The following HS6ST3 variants were observed in gnomAD, a reference collection of about 807,000 sequenced individuals.
HS6ST3 encodes the protein heparan sulfate 6-O-sulfotransferase 3.
In HS6ST3, 12 loss-of-function variants were observed where a neutral mutation model predicts 36.7. The observed-to-expected ratio is 0.33, with a 90% CI of 0.21 to 0.53. The LOEUF is 0.53. Among genes scored for constraint, HS6ST3 ranks in the 20% least tolerant of loss-of-function variants. HS6ST3 has a pLI of 0.95. For missense variants in HS6ST3, 584 were observed against 640.9 expected (o/e 0.91, Z 0.96); for synonymous variants, 240 against 257.5 (o/e 0.93, Z 0.65).
At chr13:96,147,069 G>A (rs1479370127) in intron 1 of HS6ST3, among the ~76,000 whole-genome samples, 1 of 152,168 alleles carries the variant, frequency 6.6e-6, no homozygotes, top group Non-Finnish European at 1.5e-5. Flanking sequence ...CCTTTTAAAA[G>A]TCAAACTTTC....
chr13:96,684,263 T>C (rs1874701223), intron 1 of HS6ST3, among the ~76,000 whole-genome samples: 1 of 152,120 alleles, frequency 6.6e-6, no homozygotes, highest in African/African-American at 2.4e-5. Flanking sequence ...CATTGGTTTT[T>C]CTACATGCAT....
chr13:96,379,986 T>G (rs555956441), intron 1 of HS6ST3, among the ~76,000 whole-genome samples: 18 of 152,362 alleles, frequency 1.2e-4, no homozygotes, highest in South Asian at 4.1e-4. Flanking sequence ...GTTTGGGGTT[T>G]CTGTGAAATC....
intron 1 of HS6ST3, among the ~76,000 whole-genome samples, chr13:96,785,800 A>G (rs1443253145): frequency 6.6e-6 from 1 of 152,222 alleles, no homozygotes; most frequent in Non-Finnish European, 1.5e-5. Flanking sequence ...TGGAACCTGC[A>G]CAATTCTGGA....
At chr13:96,717,707 C>G (rs570452081) in intron 1 of HS6ST3, among the ~76,000 whole-genome samples, 1 of 152,140 alleles carries the variant, frequency 6.6e-6, no homozygotes, top group South Asian at 2.1e-4. Flanking sequence ...GAAATCAAAT[C>G]TCAGAAATGA....
At chr13:96,134,587 GTTTA>G (rs559183911) in intron 1 of HS6ST3, among the ~76,000 whole-genome samples, 121 of 151,886 alleles carry the variant, frequency 8.0e-4, no homozygotes, top group Non-Finnish European at 1.4e-3. Context: ...ACCCTTTCAT[GTTTA>G]TTTATTTATC....
chr13:96,565,517 G>A (rs2035286534), intron 1 of HS6ST3, among the ~76,000 whole-genome samples: 2 of 152,070 alleles, frequency 1.3e-5, no homozygotes, highest in Admixed American at 1.3e-4. Context: ...AAACCAAGAG[G>A]CCTCAAGTTA....
chr13:96,710,557 C>A (rs977953985), intron 1 of HS6ST3, among the ~76,000 whole-genome samples: 3 of 152,256 alleles, frequency 2.0e-5, no homozygotes, highest in Non-Finnish European at 2.9e-5. Context: ...ACATTCTTTT[C>A]GTTATTCAAT....
intron 1 of HS6ST3, among the ~76,000 whole-genome samples, chr13:96,690,994 C>A (rs772729672): frequency 1.5e-4 from 23 of 152,098 alleles, no homozygotes; most frequent in Non-Finnish European, 2.9e-4. Context: ...CCCTTCCCAT[C>A]CCATAGAGAA....
chr13:96,302,556 A>C (rs2054889071), intron 1 of HS6ST3, among the ~76,000 whole-genome samples: 1 of 152,174 alleles, frequency 6.6e-6, no homozygotes, highest in Admixed American at 6.5e-5. Context: ...AAGAAAGTGC[A>C]TGTATAATAT....
chr13:96,357,837 C>T (rs558258564), intron 1 of HS6ST3, among the ~76,000 whole-genome samples: 133 of 152,092 alleles, frequency 8.7e-4, no homozygotes, highest in Non-Finnish European at 1.0e-3. Context: ...CACCATCTCA[C>T]GTGGGCTTGG....
At chr13:96,798,507 C>T (rs766567611) in intron 1 of HS6ST3, among the ~76,000 whole-genome samples, 33 of 151,992 alleles carry the variant, frequency 2.2e-4, no homozygotes, top group South Asian at 4.1e-4. Flanking sequence ...AGGAGTTGTG[C>T]GCTAGGAGAC....
intron 1 of HS6ST3, among the ~76,000 whole-genome samples, chr13:96,623,602 C>A (rs1336097): frequency 0.095 from 14,482 of 152,068 alleles, 763 homozygotes; most frequent in Admixed American, 0.17. Context: ...TCAGCCCCCT[C>A]CTGCCCCACT....
chr13:96,400,308 T>TACACAC (rs10603063), intron 1 of HS6ST3, among the ~76,000 whole-genome samples: 8 of 142,484 alleles, frequency 5.6e-5, no homozygotes, highest in African/African-American at 2.1e-4. Context: ...GACACACAGA[T>TACACAC]ACACACACAC....
At chr13:96,515,702 T>C (rs1384344490) in intron 1 of HS6ST3, among the ~76,000 whole-genome samples, 1 of 152,136 alleles carries the variant, frequency 6.6e-6, no homozygotes, top group Non-Finnish European at 1.5e-5. Flanking sequence ...TTCCATGCTC[T>C]CTCTCACCTG....
At chr13:96,186,274 T>C (rs2054264768) in intron 1 of HS6ST3, among the ~76,000 whole-genome samples, 1 of 152,178 alleles carries the variant, frequency 6.6e-6, no homozygotes, top group Non-Finnish European at 1.5e-5. Context: ...AAAGAATACA[T>C]GCTCCCTCAT....
At position 96,352,506 on chromosome 13, in the gene HS6ST3, C is replaced by T. The variant is rs375257439; in HGVS notation, c.707+260937C>T. Among the ~76,000 whole-genome samples, 8 of 152,128 alleles carry T rather than the reference C, an allele frequency of 5.3e-5. No homozygotes were observed. The East Asian group carries it at 1.2e-3, about 22-fold the overall frequency. On this transcript the variant is annotated intron_variant, in intron 1 of 1. Transcript: ENST00000376705. ...AGAGCACGCGATCCAAGGGACACGG[C>T]GCAGTGGAAGCAGAAGGGTCTTCTA...
At chr13:96,239,798 A>T (rs1242754944) in intron 1 of HS6ST3, among the ~76,000 whole-genome samples, 1 of 152,210 alleles carries the variant, frequency 6.6e-6, no homozygotes, top group Non-Finnish European at 1.5e-5. Flanking sequence ...CCTTTAAATC[A>T]ATGAAATTCC....
At chr13:96,455,399 T>C (rs966027572) in intron 1 of HS6ST3, among the ~76,000 whole-genome samples, 11 of 152,102 alleles carry the variant, frequency 7.2e-5, no homozygotes, top group African/African-American at 2.4e-4. Flanking sequence ...TTTTTTTTTT[T>C]CTATTTTTTG....
chr13:96,211,350 C>T (rs1434845194), intron 1 of HS6ST3, among the ~76,000 whole-genome samples: 3 of 152,324 alleles, frequency 2.0e-5, no homozygotes, highest in Middle Eastern at 3.4e-3. Flanking sequence ...CTCACCCACC[C>T]ACTCTGACTC....
Sources: gnomAD v4.1 joint callset for allele counts (sites outside exome capture counted in the v4.1 genomes callset) on GRCh38, gnomAD v4.1.1 for gene constraint, MANE v1.5 for transcripts, NCBI Gene and HGNC (gene_info 2026-07-23, HGNC 2026-07-21) for gene names.